SIL1: variants seen among roughly 807,000 people sequenced by gnomAD.
SIL1 encodes SIL1 nucleotide exchange factor.
SIL1 carries 40 observed loss-of-function variants against 49.1 expected under a neutral mutation model. The ratio of observed to expected loss-of-function variants is 0.81; its 90% CI spans 0.63 to 1.06. The LOEUF (loss-of-function observed/expected upper bound fraction) is 1.06, where lower values mean the gene tolerates loss of function less well. SIL1 is among the 50% of genes least tolerant of loss of function. The pLI is 0.00. For missense variants in SIL1, 500 were observed against 572.6 expected (o/e 0.87, Z 1.29); for synonymous variants, 253 against 250.8 (o/e 1.01, Z -0.08).
intron 7 of SIL1, among the ~76,000 whole-genome samples, chr5:138,982,513 TACA>T (rs1199257428): frequency 6.6e-6 from 1 of 152,234 alleles, no homozygotes; most frequent in Non-Finnish European, 1.5e-5. Context: ...CTGGCAGTGA[TACA>T]ACATTTTTCT....
chr5:139,095,882 C>T (rs182601575), intron 3 of SIL1, among the ~76,000 whole-genome samples: 2 of 151,730 alleles, frequency 1.3e-5, no homozygotes, highest in African/African-American at 4.8e-5. Flanking sequence ...TTTGAGAAGA[C>T]ACAGAACAAG....
intron 7 of SIL1, among the ~76,000 whole-genome samples, chr5:139,010,757 C>T (rs1768238661): frequency 2.6e-5 from 4 of 151,948 alleles, no homozygotes; most frequent in African/African-American, 9.7e-5. Context: ...TGGGGGGTGC[C>T]TCCCAGTTAG....
chr5:139,126,715 G>T (rs915093909), intron 2 of SIL1, among the ~76,000 whole-genome samples: 1 of 152,202 alleles, frequency 6.6e-6, no homozygotes, highest in Admixed American at 6.5e-5. Context: ...TCCACGAAGT[G>T]GGGGGAAAGG....
At chr5:139,015,930 A>T (rs751805426) in intron 7 of SIL1, among the ~76,000 whole-genome samples, 3 of 152,156 alleles carry the variant, frequency 2.0e-5, no homozygotes, top group African/African-American at 4.8e-5. Context: ...TTAGTAGATG[A>T]AAAAGGGGGA....
chr5:139,085,356 C>T (rs774508470), intron 3 of SIL1, among the ~76,000 whole-genome samples: 63 of 152,084 alleles, frequency 4.1e-4, no homozygotes, highest in Middle Eastern at 3.2e-3. Flanking sequence ...GAAACCACTT[C>T]GGTTTCTTCA....
Position 139,125,013 on chromosome 5 carries a change from C to T in SIL1, c.105+2726G>A, listed in dbSNP as rs528191178. ...TGCCCTGAGAGCTGAGGGAATGACGCGGGATACTGAGATCACCTTAGCATA... is the reference window on the plus strand; with the variant it reads ...TGCCCTGAGAGCTGAGGGAATGACGTGGGATACTGAGATCACCTTAGCATA... On this transcript the variant is annotated intron_variant, in intron 2 of 9. Transcript: ENST00000394817. Among the ~76,000 whole-genome samples the T allele has an allele frequency of 2.6e-5, 4 of 152,308 alleles. No individual in the cohort carries two copies. In the East Asian group the frequency reaches 5.8e-4, roughly 22 times the overall value.
At chr5:139,004,756 T>C (rs769314646) in intron 7 of SIL1, among the ~76,000 whole-genome samples, 1 of 152,132 alleles carries the variant, frequency 6.6e-6, no homozygotes, top group South Asian at 2.1e-4. Flanking sequence ...ACACACACAA[T>C]GGAGTATTAT....
At chr5:139,017,907 GA>G (rs1351036456) in intron 7 of SIL1, among the ~76,000 whole-genome samples, 1 of 152,108 alleles carries the variant, frequency 6.6e-6, no homozygotes, top group Non-Finnish European at 1.5e-5. Context: ...AAAGGCCAAT[GA>G]AAGTATTTAC....
At chr5:139,125,925 A>G (rs1387621561) in intron 2 of SIL1, among the ~76,000 whole-genome samples, 1 of 152,168 alleles carries the variant, frequency 6.6e-6, no homozygotes, top group African/African-American at 2.4e-5. Context: ...CTGGCTCCAG[A>G]TCATACTGTG....
chr5:139,048,665 C>T (rs1161523058), intron 4 of SIL1, among the ~76,000 whole-genome samples: 2 of 152,118 alleles, frequency 1.3e-5, no homozygotes, highest in Admixed American at 1.3e-4. Flanking sequence ...CCACTGTACC[C>T]GGCCCCTAAC....
chr5:139,099,423 C>T (rs764029025), intron 3 of SIL1, among the ~76,000 whole-genome samples: 1 of 152,118 alleles, frequency 6.6e-6, no homozygotes, highest in South Asian at 2.1e-4. Context: ...ATTCCACTGC[C>T]GGATATATAC....
At chr5:139,016,972 G>A (rs985470380) in intron 7 of SIL1, 5 of 151,952 alleles carry the variant, frequency 3.3e-5, no homozygotes, top group African/African-American at 1.2e-4. Context: ...TCAGCCTCTC[G>A]AGTAGCATAG....
chr5:139,049,650 G>A (rs2150452734), intron 4 of SIL1, among the ~76,000 whole-genome samples: 1 of 152,222 alleles, frequency 6.6e-6, no homozygotes, highest in East Asian at 1.9e-4. Flanking sequence ...AAATTAGCCA[G>A]GCATAGTGGC....
intron 7 of SIL1, among the ~76,000 whole-genome samples, chr5:138,991,529 C>G (rs1767761088): frequency 6.6e-6 from 1 of 152,216 alleles, no homozygotes; most frequent in Non-Finnish European, 1.5e-5. Context: ...GATACACTAA[C>G]TCCCTAAAAA....
chr5:138,950,183 T>C (rs1331303310), intron 9 of SIL1, among the ~76,000 whole-genome samples: 1 of 152,208 alleles, frequency 6.6e-6, no homozygotes, highest in Non-Finnish European at 1.5e-5. Flanking sequence ...CCAGTTTCCC[T>C]GGGAAATGCC....
intron 3 of SIL1, among the ~76,000 whole-genome samples, chr5:139,094,913 C>G (rs1770421488): frequency 6.6e-6 from 1 of 152,178 alleles, no homozygotes; most frequent in African/African-American, 2.4e-5. Flanking sequence ...TTGCAGAGTA[C>G]TGGTCAGGTA....
chr5:139,048,578 G>T (rs1022996325), intron 4 of SIL1, among the ~76,000 whole-genome samples: 1 of 151,786 alleles, frequency 6.6e-6, no homozygotes, highest in African/African-American at 2.4e-5. Context: ...CCCTGTCGCT[G>T]GTGTGTGTCT....
intron 3 of SIL1, among the ~76,000 whole-genome samples, chr5:139,107,835 T>C (rs892699117): frequency 1.3e-5 from 2 of 152,238 alleles, no homozygotes; most frequent in East Asian, 1.9e-4. Context: ...GTTTACCTTA[T>C]TTACTATTTA....
chr5:139,056,552 G>A (rs1363402708), intron 3 of SIL1, among the ~76,000 whole-genome samples: 5 of 150,308 alleles, frequency 3.3e-5, no homozygotes, highest in African/African-American at 4.9e-5. Context: ...GAGGTGGGGG[G>A]GTCAGCCCCC....
Sources: gnomAD v4.1 joint callset for allele counts (sites outside exome capture counted in the v4.1 genomes callset) on GRCh38, gnomAD v4.1.1 for gene constraint, MANE v1.5 for transcripts, NCBI Gene and HGNC (gene_info 2026-07-23, HGNC 2026-07-21) for gene names.